The following TXLNB variants were observed in gnomAD, a reference collection of about 807,000 sequenced individuals.
TXLNB encodes taxilin beta.
Under a neutral mutation model 57.4 loss-of-function variants are expected in TXLNB, and 37 were observed. That is an observed-to-expected ratio of 0.64 (90% CI 0.50 to 0.85). The LOEUF is 0.85. Among genes scored for constraint, TXLNB ranks in the 40% least tolerant of loss-of-function variants. TXLNB has a pLI of 0.00. For synonymous variants in TXLNB, 302 were observed against 309.6 expected (o/e 0.98, Z 0.26); for missense variants, 848 against 825.6 (o/e 1.03, Z -0.33).
chr6:139,228,327 C>T, the TXLNB span, among the ~76,000 whole-genome samples: 1 of 151,972 alleles, frequency 6.6e-6, no homozygotes, highest in Non-Finnish European at 1.5e-5. Context: ...AACAGCCTGG[C>T]CAGCCTGGCC....
chr6:139,243,431 G>A (rs1776000438), intron 9 of TXLNB, 117 bp from the exon 10 acceptor site: 5 of 1,084,950 alleles, frequency 4.6e-6, no homozygotes, highest in African/African-American at 1.6e-5. Context: ...TGTCTACTAG[G>A]CTCTGGGACC....
chr6:139,311,660 G>C, the TXLNB span, among the ~76,000 whole-genome samples: 26 of 152,132 alleles, frequency 1.7e-4, no homozygotes, highest in Non-Finnish European at 3.7e-4. Context: ...AAACTGGAAG[G>C]AAGGACATCC....
At chr6:139,231,411 G>T in the TXLNB span, among the ~76,000 whole-genome samples, 1 of 152,154 alleles carries the variant, frequency 6.6e-6, no homozygotes, top group Admixed American at 6.5e-5. Flanking sequence ...ACAGGGTCAA[G>T]GTGTGGGTGG....
intron 3 of TXLNB, among the ~76,000 whole-genome samples, chr6:139,276,116 A>G (rs190738873): frequency 5.3e-5 from 8 of 152,352 alleles, no homozygotes; most frequent in Admixed American, 5.2e-4. Flanking sequence ...TGCCCCATAT[A>G]GTACATGCTG....
chr6:139,268,369 T>C (rs568288245), intron 4 of TXLNB, among the ~76,000 whole-genome samples: 1 of 151,864 alleles, frequency 6.6e-6, no homozygotes, highest in Non-Finnish European at 1.5e-5. Flanking sequence ...ATAAAAAAAT[T>C]CAAAAAAGGC....
At chr6:139,190,282 G>T in the TXLNB span, among the ~76,000 whole-genome samples, 1 of 148,964 alleles carries the variant, frequency 6.7e-6, no homozygotes, top group Non-Finnish European at 1.5e-5. Context: ...TTGGTGTCTG[G>T]TTGAGGGCCT....
At chr6:139,247,322 A>G (rs1416771907) in intron 8 of TXLNB, among the ~76,000 whole-genome samples, 2 of 151,868 alleles carry the variant, frequency 1.3e-5, no homozygotes, top group South Asian at 2.1e-4. Flanking sequence ...TTGTGTTTTT[A>G]GTAGAGACAG....
chr6:139,222,507 A>G, the TXLNB span, among the ~76,000 whole-genome samples: 52 of 152,312 alleles, frequency 3.4e-4, no homozygotes, highest in East Asian at 9.5e-3. Context: ...AAATGGAGAC[A>G]TATAAAAATC....
At chr6:139,225,092 C>T in the TXLNB span, among the ~76,000 whole-genome samples, 1 of 152,106 alleles carries the variant, frequency 6.6e-6, no homozygotes, top group African/African-American at 2.4e-5. Flanking sequence ...TCATGATTAT[C>T]TAAATAGACA....
At chr6:139,167,550 C>T in the TXLNB span, among the ~76,000 whole-genome samples, 216 of 152,172 alleles carry the variant, frequency 1.4e-3, no homozygotes, top group African/African-American at 5.1e-3. Context: ...TTTGTGTGTT[C>T]TGTAATTTGA....
chr6:139,297,322 C>A, the TXLNB span, among the ~76,000 whole-genome samples: 6 of 152,174 alleles, frequency 3.9e-5, no homozygotes, highest in South Asian at 6.2e-4. Flanking sequence ...CTGTAGCAGT[C>A]CAGTAATGAA....
In TXLNB at chr6:139,276,742, C is replaced by G; in HGVS notation, c.516+88G>C. 3 of 955,010 alleles carry G rather than the reference C, an allele frequency of 3.1e-6. No individual in the cohort carries two copies. In the South Asian group the frequency reaches 4.4e-5, roughly 14 times the overall value. 59.2% of individuals were successfully genotyped at this position (955,010 alleles called of 1,614,324 possible). ...GATGTTGCTGTTTACAATTCATTCT[C>G]GGATTGGCAGGTGTTTGTTGTTCCT... On this transcript the variant is annotated intron_variant, in intron 3 of 9. Transcript: ENST00000358430.
At chr6:139,182,392 AAG>A in the TXLNB span, among the ~76,000 whole-genome samples, 3 of 152,226 alleles carry the variant, frequency 2.0e-5, no homozygotes, top group Admixed American at 6.5e-5. Flanking sequence ...AGAAGGAAAA[AAG>A]TTGCAGAAAA....
chr6:139,271,074 T>C (rs1048874466), intron 3 of TXLNB, among the ~76,000 whole-genome samples: 15 of 152,072 alleles, frequency 9.9e-5, no homozygotes, highest in African/African-American at 3.4e-4. Flanking sequence ...AGCGCTATTT[T>C]TAAAAATAGG....
the TXLNB span, among the ~76,000 whole-genome samples, chr6:139,230,795 T>C: frequency 6.6e-6 from 1 of 152,212 alleles, no homozygotes; most frequent in African/African-American, 2.4e-5. Context: ...TGTGACATTG[T>C]AAGCAAAAGA....
the TXLNB span, among the ~76,000 whole-genome samples, chr6:139,220,300 AC>A: frequency 6.6e-6 from 1 of 152,142 alleles, no homozygotes; most frequent in Non-Finnish European, 1.5e-5. Context: ...TTTGTAAGCC[AC>A]CCCGTCTATG....
At chr6:139,234,765 G>A in the TXLNB span, among the ~76,000 whole-genome samples, 3 of 152,318 alleles carry the variant, frequency 2.0e-5, no homozygotes, top group South Asian at 2.1e-4. Context: ...CTGAGACACC[G>A]CCTAGTGGAG....
chr6:139,309,004 A>T, the TXLNB span, among the ~76,000 whole-genome samples: 6 of 152,204 alleles, frequency 3.9e-5, no homozygotes, highest in African/African-American at 1.4e-4. Context: ...AAAGAGGAGC[A>T]TGCATTCCAT....
intron 2 of TXLNB, among the ~76,000 whole-genome samples, chr6:139,280,167 G>A (rs933361807): frequency 1.3e-5 from 2 of 149,034 alleles, no homozygotes; most frequent in African/African-American, 2.5e-5. Flanking sequence ...CAGGAGAATC[G>A]CTTGAACCAG....
Sources: allele counts gnomAD v4.1 joint callset (sites outside exome capture counted in the v4.1 genomes callset), GRCh38; gene constraint gnomAD v4.1.1; transcripts MANE v1.5; gene names NCBI Gene and HGNC (gene_info 2026-07-23, HGNC 2026-07-21).